METTL24: variants seen among roughly 807,000 people sequenced by gnomAD.
The protein encoded by METTL24 is methyltransferase like 24, also known as probable methyltransferase-like protein 24.
Under a neutral mutation model 32.7 loss-of-function variants are expected in METTL24, and 29 were observed. The observed-to-expected ratio is 0.89, with a 90% CI of 0.66 to 1.21. The LOEUF (loss-of-function observed/expected upper bound fraction) is 1.21, where lower values mean the gene tolerates loss of function less well. METTL24 is among the 50% of genes most tolerant of loss of function. The pLI, the probability that METTL24 is intolerant of heterozygous loss-of-function variation, is 0.00. For synonymous variants in METTL24, 163 were observed against 179.5 expected, an observed-to-expected ratio of 0.91 and a Z score of 0.73; for missense variants, 439 against 468.1, an observed-to-expected ratio of 0.94 and a Z score of 0.57.
At chr6:110,313,269 G>A (rs1771758300) in intron 3 of METTL24, among the ~76,000 whole-genome samples, 1 of 152,208 alleles carries the variant, frequency 6.6e-6, no homozygotes, top group Non-Finnish European at 1.5e-5. Context: ...AATGCTGGAG[G>A]TGACGGATAC....
intron 4 of METTL24, among the ~76,000 whole-genome samples, chr6:110,250,896 T>C (rs1778265586): frequency 6.6e-6 from 1 of 152,216 alleles, no homozygotes; most frequent in African/African-American, 2.4e-5. Context: ...CCATTCCCTA[T>C]ATGGGAACTC....
chr6:110,334,773 T>C (rs1377097633), intron 1 of METTL24, among the ~76,000 whole-genome samples: 1 of 152,234 alleles, frequency 6.6e-6, no homozygotes, highest in Non-Finnish European at 1.5e-5. Flanking sequence ...ATTAACTCTT[T>C]TGTCATTTTC....
At chr6:110,297,578 A>C (rs1313320500) in intron 4 of METTL24, among the ~76,000 whole-genome samples, 9 of 152,230 alleles carry the variant, frequency 5.9e-5, no homozygotes. Context: ...TCTAAAGTTG[A>C]CATATTAGAG....
In METTL24 at chr6:110,314,112, G is replaced by T. The variant is rs12661777; in HGVS notation, c.557+1230C>A. Among the ~76,000 whole-genome samples the T allele has an allele frequency of 2.0e-5, 3 of 152,130 alleles. No individual in the cohort carries two copies. The East Asian group carries it at 5.8e-4, about 29-fold the overall frequency. On this transcript the variant is annotated intron_variant, in intron 3 of 4. Coordinates refer to ENST00000338882, the MANE Select transcript of METTL24 (RefSeq NM_001123364.3). ...GTCTGCCCCTAACCCTGACCACCTA[G>T]GATTCTGGCTGGTGGTTGTCATACC...
At chr6:110,320,539 GCATTAAAAAC>G (rs1771913493) in intron 2 of METTL24, among the ~76,000 whole-genome samples, 1 of 152,084 alleles carries the variant, frequency 6.6e-6, no homozygotes, top group Non-Finnish European at 1.5e-5. Context: ...AAATGGCCCC[GCATTAAAAAC>G]CATTGTGAGG....
intron 4 of METTL24, among the ~76,000 whole-genome samples, chr6:110,267,795 G>C (rs1201599107): frequency 6.6e-6 from 1 of 152,176 alleles, no homozygotes; most frequent in Non-Finnish European, 1.5e-5. Context: ...TTCTGTGAGG[G>C]CTGCAGGAAA....
rs370778447 is a variant in METTL24, at chr6:110,265,857, TTCC to T, written c.787-19600_787-19598del. ...TTTTTTATTCCTCCTCCTCTTCCTC[TTCC>T]TCCTCCTCCTCCTCCTTCTTCCTCT... On this transcript the variant is annotated intron_variant, in intron 4 of 4. Transcript: ENST00000338882. 1.3e-3 allele frequency among the ~76,000 whole-genome samples: 202 copies of T among 151,852 alleles called. 4 individuals are homozygous for T. In the East Asian group the frequency reaches 0.03, roughly 22 times the overall value.
chr6:110,316,992 T>C (rs1226542944), intron 2 of METTL24, among the ~76,000 whole-genome samples: 1 of 152,242 alleles, frequency 6.6e-6, no homozygotes, highest in East Asian at 1.9e-4. Context: ...AAGAAGAGCA[T>C]ATTACGTGGA....
chr6:110,267,879 G>A (rs1446190852), intron 4 of METTL24, among the ~76,000 whole-genome samples: 1 of 152,074 alleles, frequency 6.6e-6, no homozygotes, highest in Middle Eastern at 3.2e-3. Flanking sequence ...AGAGGGCAAG[G>A]GGGTAGATCT....
chr6:110,262,833 G>A (rs182076624), intron 4 of METTL24, among the ~76,000 whole-genome samples: 193 of 152,216 alleles, frequency 1.3e-3, no homozygotes, highest in African/African-American at 4.4e-3. Context: ...ATCAATAAAC[G>A]TAATCCAGCA....
At chr6:110,315,221 A>C (rs1310981428) in intron 3 of METTL24, 121 bp downstream of exon 3, 2 of 1,135,288 alleles carry the variant, frequency 1.8e-6, no homozygotes. Context: ...AAATGATGAC[A>C]GGAGGCAAAG....
In METTL24 at chr6:110,320,171, T is replaced by C. The variant is rs1013118702; in HGVS notation, c.417+2603A>G. Among the ~76,000 whole-genome samples the C allele has an allele frequency of 3.9e-5, 6 of 152,208 alleles. 1 individual carries two copies. The highest frequency in any genetic ancestry group is 4.1e-4 in the South Asian group (2 of 4,836). Reference sequence around the variant, plus strand: ...CTTGAGCACAGATTTGAGGGAAGTATATTTCTTAATGTTAAAAAGCAGCAT... The same window carrying C: ...CTTGAGCACAGATTTGAGGGAAGTACATTTCTTAATGTTAAAAAGCAGCAT... On this transcript the variant is annotated intron_variant, in intron 2 of 4. Transcript: ENST00000338882.
chr6:110,246,671 G>A (rs1268733787), intron 4 of METTL24, among the ~76,000 whole-genome samples: 1 of 152,132 alleles, frequency 6.6e-6, no homozygotes, highest in African/African-American at 2.4e-5. Context: ...ATCTGAGAAG[G>A]AGAAGTTAGA....
chr6:110,350,952 C>A (rs1428414142), intron 1 of METTL24, among the ~76,000 whole-genome samples: 2 of 151,766 alleles, frequency 1.3e-5, no homozygotes, highest in Non-Finnish European at 2.9e-5. Flanking sequence ...ACTAAAAATA[C>A]AAAAAATTAG....
intron 4 of METTL24, among the ~76,000 whole-genome samples, chr6:110,275,761 T>C (rs1285044397): frequency 6.6e-6 from 1 of 152,128 alleles, no homozygotes; most frequent in African/African-American, 2.4e-5. Flanking sequence ...AACAAAAAAA[T>C]TCAATCTCTC....
intron 4 of METTL24, among the ~76,000 whole-genome samples, chr6:110,252,383 G>A (rs376082364): frequency 6.6e-6 from 1 of 152,060 alleles, no homozygotes; most frequent in Non-Finnish European, 1.5e-5. Flanking sequence ...ATGCATTCCT[G>A]GTGTCTCCAC....
chr6:110,296,552 C>T (rs535174389), intron 4 of METTL24, among the ~76,000 whole-genome samples: 1 of 152,192 alleles, frequency 6.6e-6, no homozygotes, highest in Non-Finnish European at 1.5e-5. Flanking sequence ...AAGCCATTTG[C>T]ATCTTTCTGT....
chr6:110,321,419 G>A (rs183721020), intron 2 of METTL24, among the ~76,000 whole-genome samples: 2 of 152,266 alleles, frequency 1.3e-5, no homozygotes, highest in African/African-American at 4.8e-5. Flanking sequence ...TTGGTAGCTT[G>A]CATTACATAA....
chr6:110,329,078 T>C (rs1053762049), intron 1 of METTL24, among the ~76,000 whole-genome samples: 1 of 152,238 alleles, frequency 6.6e-6, no homozygotes, highest in African/African-American at 2.4e-5. Flanking sequence ...AATTATATGA[T>C]GACTAATGTA....
Sources: allele counts gnomAD v4.1 joint callset (sites outside exome capture counted in the v4.1 genomes callset), GRCh38; gene constraint gnomAD v4.1.1; transcripts MANE v1.5; gene names NCBI Gene and HGNC (gene_info 2026-07-23, HGNC 2026-07-21).